Variants in GPR107 observed in about 807,000 individuals in gnomAD.
GPR107 encodes G protein-coupled receptor 107.
A neutral mutation model predicts 75.5 loss-of-function variants in GPR107; 31 were observed. The ratio of observed to expected loss-of-function variants is 0.41; its 90% CI spans 0.31 to 0.55. The LOEUF (loss-of-function observed/expected upper bound fraction) is 0.55. Ranked by LOEUF, GPR107 falls within the 20% of genes least tolerant of loss-of-function variation. GPR107 has a pLI of 0.26. For synonymous variants in GPR107, 267 were observed against 251.3 expected, an observed-to-expected ratio of 1.06 and a Z score of -0.59; for missense variants, 572 against 665.7, an observed-to-expected ratio of 0.86 and a Z score of 1.55.
At chr9:130,070,728 C>CT (rs1410796719) in intron 1 of GPR107, among the ~76,000 whole-genome samples, 1 of 150,638 alleles carries the variant, frequency 6.6e-6, no homozygotes, top group Non-Finnish European at 1.5e-5. Flanking sequence ...TTCTTTTTTT[C>CT]TTTTTTTTGG....
intron 15 of GPR107, among the ~76,000 whole-genome samples, chr9:130,125,588 T>C (rs530353040): frequency 1.5e-4 from 20 of 137,350 alleles, no homozygotes; most frequent in Admixed American, 1.4e-3. Flanking sequence ...AAATTAAATA[T>C]CTGAGTTCCT....
At chr9:130,114,041 T>A (rs1184599963) in intron 14 of GPR107, among the ~76,000 whole-genome samples, 5 of 132,296 alleles carry the variant, frequency 3.8e-5, no homozygotes, top group Non-Finnish European at 8.6e-5. Context: ...TTTTTTTTTT[T>A]TTTTTTTTCA....
At chr9:130,107,197 T>C (rs563879315) in intron 13 of GPR107, among the ~76,000 whole-genome samples, 1 of 152,154 alleles carries the variant, frequency 6.6e-6, no homozygotes, top group Non-Finnish European at 1.5e-5. Context: ...TAGGGGGTGG[T>C]TGTGGGAGTG....
Position 130,128,678 on chromosome 9 carries a change from A to G in GPR107, c.1479A>G (p.Leu493=), listed in dbSNP as rs781483725. The G allele has an allele frequency of 2.5e-5, 41 of 1,611,044 alleles. No individual in the cohort carries two copies. Among genetic ancestry groups the G allele is most frequent in the Non-Finnish European group, 3.4e-5 (40 of 1,177,170 alleles). ...DETATLVFFV[L]TGYKFRPASD... is the part of the protein sequence containing the mutation. ...CGGCCACACTGGTCTTCTTTGTTCT[A>G]ACGGGGTATAAATTCCGTCCGGCTT... Residue 493 remains leucine (L), a synonymous_variant, in exon 17 of 18, where the codon CTA becomes CTG. Coordinates refer to ENST00000347136, the MANE Select transcript of GPR107 (RefSeq NM_020960.5).
intron 1 of GPR107, among the ~76,000 whole-genome samples, chr9:130,056,180 G>A (rs1829782191): frequency 6.6e-6 from 1 of 152,026 alleles, no homozygotes; most frequent in African/African-American, 2.4e-5. Context: ...GGCCGGGCAC[G>A]GTGGCTCACG....
chr9:130,108,836 CA>C (rs1452715029), intron 14 of GPR107: 2 of 185,504 alleles, frequency 1.1e-5, no homozygotes, highest in East Asian at 1.1e-4. Context: ...TGGCTTTAAG[CA>C]GGTTCTTTTC....
intron 10 of GPR107, among the ~76,000 whole-genome samples, chr9:130,100,124 T>C (rs1299598941): frequency 1.3e-5 from 2 of 151,992 alleles, no homozygotes; most frequent in African/African-American, 2.4e-5. Flanking sequence ...CTCGATCTCC[T>C]GACCTCGTGA....
intron 14 of GPR107, among the ~76,000 whole-genome samples, chr9:130,111,437 T>C (rs1831300187): frequency 6.6e-6 from 1 of 151,952 alleles, no homozygotes; most frequent in Non-Finnish European, 1.5e-5. Flanking sequence ...GAGGGTGAGG[T>C]GAGAAGATCA....
intron 4 of GPR107, among the ~76,000 whole-genome samples, chr9:130,078,108 T>C (rs147093633): frequency 0.023 from 3,387 of 149,760 alleles, 55 homozygotes; most frequent in Middle Eastern, 0.034. Flanking sequence ...GAGCTTGCGG[T>C]GAGCCGAGAT....
intron 4 of GPR107, among the ~76,000 whole-genome samples, chr9:130,078,700 C>A (rs1830418577): frequency 6.6e-6 from 1 of 152,172 alleles, no homozygotes; most frequent in South Asian, 2.1e-4. Context: ...GGTTTCCCAG[C>A]CATCACAAGG....
At chr9:130,063,229 C>T (rs1404960448) in intron 1 of GPR107, among the ~76,000 whole-genome samples, 2 of 151,284 alleles carry the variant, frequency 1.3e-5, no homozygotes, top group Admixed American at 6.6e-5. Flanking sequence ...CTCGCTCTGT[C>T]GCCCAGGCTG....
chr9:130,122,779 T>G (rs1165901074), intron 14 of GPR107, among the ~76,000 whole-genome samples: 2 of 152,106 alleles, frequency 1.3e-5, no homozygotes, highest in Non-Finnish European at 2.9e-5. Context: ...TCCCAGCACT[T>G]TGGGAGGCTG....
chr9:130,115,129 T>C (rs1242719867), intron 14 of GPR107, among the ~76,000 whole-genome samples: 1 of 151,110 alleles, frequency 6.6e-6, no homozygotes, highest in East Asian at 1.9e-4. Context: ...TGATTGGTGG[T>C]TTTTATCCCT....
chr9:130,134,260 C>T (rs1831898583), intron 17 of GPR107, among the ~76,000 whole-genome samples: 1 of 152,202 alleles, frequency 6.6e-6, no homozygotes, highest in Non-Finnish European at 1.5e-5. Context: ...AGATTATCCT[C>T]TTGAGAAGGT....
chr9:130,083,667 T>C, intron 6 of GPR107, 65 bp downstream of exon 6: 1 of 877,500 alleles, frequency 1.1e-6, no homozygotes, highest in Non-Finnish European at 1.7e-6. Context: ...GTGTGTTATA[T>C]GCATGTGTGT....
chr9:130,100,557 T>C (rs1320485508), intron 10 of GPR107, 72 bp from the exon 11 acceptor site: 5 of 1,080,348 alleles, frequency 4.6e-6, no homozygotes, highest in Non-Finnish European at 7.2e-6. Flanking sequence ...CCCAAATGGG[T>C]CCAAGTTAAA....
At chr9:130,134,888 C>G in intron 17 of GPR107, 137 bp from the exon 18 acceptor site, 1 of 671,368 alleles carries the variant, frequency 1.5e-6, no homozygotes, top group South Asian at 1.6e-5. Flanking sequence ...AAGGAACGAA[C>G]CAGGAATCAC....
intron 14 of GPR107, among the ~76,000 whole-genome samples, chr9:130,114,052 T>TTTTTTTTTTTTTTTTTTTA (rs1564680203): frequency 1.6e-5 from 1 of 63,830 alleles, no homozygotes; most frequent in Non-Finnish European, 4.0e-5. Context: ...TTTTTTTTCA[T>TTTTTTTTTTTTTTTTTTTA]TTTTTTTTTT....
chr9:130,076,529 C>A, intron 3 of GPR107, 67 bp downstream of exon 3: 1 of 959,548 alleles, frequency 1.0e-6, no homozygotes, highest in Non-Finnish European at 1.7e-6. Flanking sequence ...CGGGAACACC[C>A]TACTTCTTGC....
Sources: allele counts gnomAD v4.1 joint callset (sites outside exome capture counted in the v4.1 genomes callset), GRCh38; gene constraint gnomAD v4.1.1; transcripts MANE v1.5; gene names NCBI Gene and HGNC (gene_info 2026-07-23, HGNC 2026-07-21).